ACADM: variants seen among roughly 807,000 people sequenced by gnomAD.
ACADM encodes the protein acyl-CoA dehydrogenase medium chain.
Under a neutral mutation model 58.9 loss-of-function variants are expected in ACADM, and 49 were observed. The ratio of observed to expected loss-of-function variants is 0.83; its 90% CI spans 0.66 to 1.06. The LOEUF (loss-of-function observed/expected upper bound fraction) is 1.06, where lower values mean the gene tolerates loss of function less well. Ranked by LOEUF, ACADM falls within the 50% of genes least tolerant of loss-of-function variation. ACADM has a pLI of 0.00. For missense variants in ACADM, 496 were observed against 507.0 expected (o/e 0.98, Z 0.21); for synonymous variants, 160 against 157.7 (o/e 1.01, Z -0.11).
intron 6 of ACADM, 40 bp downstream of exon 6, chr1:75,734,911 A>C: frequency 6.9e-7 from 1 of 1,447,534 alleles, no homozygotes; most frequent in Non-Finnish European, 9.7e-7. Flanking sequence ...ACACTTAAGA[A>C]GGGAACAAAG....
At chr1:75,741,459 T>A (rs1380636357) in intron 7 of ACADM, among the ~76,000 whole-genome samples, 1 of 152,172 alleles carries the variant, frequency 6.6e-6, no homozygotes, top group Non-Finnish European at 1.5e-5. Context: ...TTTGAAGTTT[T>A]CGTAATTTTA....
intron 7 of ACADM, chr1:75,744,536 G>A (rs3207439): frequency 6.6e-7 from 1 of 1,505,230 alleles, no homozygotes; most frequent in Non-Finnish European, 9.2e-7. Flanking sequence ...TCTGTGACAG[G>A]TTCTGCAAAC....
chr1:75,753,379 T>C lies in ACADM; in HGVS notation c.945+2833T>C, dbSNP rs567247072. Among the ~76,000 whole-genome samples, 311 of 152,116 alleles carry C rather than the reference T, an allele frequency of 2.0e-3. 2 individuals carry two copies. The highest frequency in any genetic ancestry group is 7.0e-3 in the African/African-American group (290 of 41,554). ...TCTTCTCAGGATTTAAATTCCTTTT[T>C]AGAGGCACTTAGAGATTTCTGTTTC... On this transcript the variant is annotated intron_variant, in intron 10 of 11. Transcript: ENST00000370841.
At chr1:75,727,928 C>T (rs1006291293) in intron 1 of ACADM, among the ~76,000 whole-genome samples, 2 of 152,040 alleles carry the variant, frequency 1.3e-5, no homozygotes, top group Admixed American at 6.5e-5. Context: ...AAAATGAGAT[C>T]CTCTGAGGGG....
Position 75,728,383 on chromosome 1 carries a change from T to C in ACADM, c.31-18T>C. The C allele has an allele frequency of 6.3e-7, 1 of 1,599,614 alleles. No homozygotes were observed. Among genetic ancestry groups the C allele is most frequent in the South Asian group, 1.1e-5 (1 of 89,766 alleles). On this transcript the variant is annotated intron_variant, in intron 1 of 11. Transcript: ENST00000370841. ...GTTTAACTTATCAAATTTATTTTAA[T>C]AAAAGTGTTCTTTACAGGTCCTGAG... is the stretch of plus-strand genomic sequence containing the variant.
At chr1:75,729,567 C>T (rs1647114712) in intron 2 of ACADM, among the ~76,000 whole-genome samples, 1 of 150,286 alleles carries the variant, frequency 6.7e-6, no homozygotes, top group Non-Finnish European at 1.5e-5. Context: ...GCAAGTGGCT[C>T]ACTGCAACCT....
Position 75,732,706 on chromosome 1 carries a change from A to G in ACADM, c.181A>G (p.Ile61Val). ...TCGTAAATTTGCCAGAGAGGAAATC[A>G]TCCCAGTGGCTGCAGAATATGATAA... ...TARKFAREEI[I>V]PVAAEYDKTG... The change falls in exon 3 of 12, where the codon ATC becomes GTC. Residue 61 changes from isoleucine to valine, a missense_variant. Ile to Val is a conservative substitution (Grantham distance 29). Transcript: ENST00000370841. 2 of 1,614,066 alleles carry G rather than the reference A, an allele frequency of 1.2e-6. No individual in the cohort carries two copies. The highest frequency in any genetic ancestry group is 1.7e-6 in the Non-Finnish European group (2 of 1,179,942).
chr1:75,728,335 C>T (rs1021443143), intron 1 of ACADM, 66 bp from the exon 2 acceptor site: 21 of 1,314,074 alleles, frequency 1.6e-5, no homozygotes, highest in Non-Finnish European at 2.2e-5. Context: ...TTATGATTAT[C>T]AGTAGTCTCT....
At chr1:75,730,928 A>G (rs1437501841) in intron 2 of ACADM, among the ~76,000 whole-genome samples, 4 of 152,094 alleles carry the variant, frequency 2.6e-5, no homozygotes, top group Non-Finnish European at 5.9e-5. Context: ...TCTTAAGTAT[A>G]CTTCTGCTAA....
At position 75,734,506 on chromosome 1, in the gene ACADM, A is replaced by G. The variant is rs897739119; in HGVS notation, c.388-285A>G. 420 of 380,978 alleles carry G rather than the reference A, an allele frequency of 1.1e-3. 4 individuals are homozygous for G. The highest frequency in any genetic ancestry group is 8.3e-3 in the African/African-American group (399 of 47,930). The allele number at this position is 380,978 out of a possible 1,614,324, so 23.6% of individuals were successfully genotyped here. A position where few individuals can be genotyped will look rare whatever the true frequency, so the allele number is the denominator to read the frequency against. ...GCAATTCTTAGGCCTGATCATACAT[A>G]CTGTGTCACATATTCTAAACATAAT... is the stretch of plus-strand genomic sequence containing the variant. On this transcript the variant is annotated intron_variant, in intron 5 of 11. Transcript: ENST00000370841.
intron 7 of ACADM, among the ~76,000 whole-genome samples, chr1:75,742,132 AT>A (rs1054438396): frequency 4.1e-4 from 62 of 152,076 alleles, no homozygotes; most frequent in Non-Finnish European, 8.4e-4. Flanking sequence ...GGCACTCAGT[AT>A]TGGCTCCCAC....
At chr1:75,757,704 G>T (rs1476657367) in intron 10 of ACADM, among the ~76,000 whole-genome samples, 4 of 152,134 alleles carry the variant, frequency 2.6e-5, no homozygotes, top group Non-Finnish European at 5.9e-5. Context: ...TCCCATTGCT[G>T]GGTATATACC....
intron 7 of ACADM, chr1:75,744,057 C>T: frequency 6.3e-7 from 1 of 1,586,648 alleles, no homozygotes; most frequent in South Asian, 1.1e-5. Context: ...GTATTCTGGG[C>T]CTCCTTCAGA....
In ACADM at chr1:75,732,658, CAGAA is replaced by C; in HGVS notation, c.138_141del (p.Lys46AsnfsTer31). 6.2e-7 allele frequency: 1 copy of C among 1,613,738 alleles called. No individual in the cohort carries two copies. Among genetic ancestry groups the C allele is most frequent in the Non-Finnish European group, 8.5e-7 (1 of 1,179,742 alleles). The stretch of plus-strand genomic sequence containing the variant: ...TTTTCCCTTAGAGTTCACCGAACAG[CAGAA>C]AGAATTTCAAGCTACTGCTCGTAAA... On this transcript the variant is annotated frameshift_variant, in exon 3 of 12. Coordinates refer to ENST00000370841, the MANE Select transcript of ACADM (RefSeq NM_000016.6). LOFTEE classifies it high-confidence loss of function.
chr1:75,732,971 A>T (rs1379019166), intron 4 of ACADM, 49 bp downstream of exon 4: 2 of 1,613,312 alleles, frequency 1.2e-6, no homozygotes, highest in East Asian at 2.2e-5. Flanking sequence ...GAGTAAGAAA[A>T]ATTGTGGAAC....
At chr1:75,742,659 G>C (rs898615313) in intron 7 of ACADM, among the ~76,000 whole-genome samples, 4 of 152,136 alleles carry the variant, frequency 2.6e-5, no homozygotes, top group Non-Finnish European at 4.4e-5. Context: ...CAGCAACCAG[G>C]AAAGGGTTGC....
At chr1:75,739,739 C>G (rs1200444928) in intron 6 of ACADM, among the ~76,000 whole-genome samples, 1 of 152,140 alleles carries the variant, frequency 6.6e-6, no homozygotes, top group Non-Finnish European at 1.5e-5. Context: ...TCCAGGAAGC[C>G]AAGACTGCAT....
At chr1:75,727,743 G>A (rs1014930224) in intron 1 of ACADM, among the ~76,000 whole-genome samples, 1 of 152,170 alleles carries the variant, frequency 6.6e-6, no homozygotes, top group African/African-American at 2.4e-5. Context: ...TTGTGAACCA[G>A]ATGGTCTCTG....
intron 2 of ACADM, among the ~76,000 whole-genome samples, chr1:75,731,607 T>G (rs958938742): frequency 8.5e-5 from 13 of 152,246 alleles, no homozygotes; most frequent in Non-Finnish European, 1.8e-4. Context: ...TTATTTTATG[T>G]AAACAAATTG....
Sources: gnomAD v4.1 joint callset for allele counts (sites outside exome capture counted in the v4.1 genomes callset) on GRCh38, gnomAD v4.1.1 for gene constraint, MANE v1.5 for transcripts, NCBI Gene and HGNC (gene_info 2026-07-23, HGNC 2026-07-21) for gene names.